Variants in RBPMS observed in about 807,000 individuals in gnomAD.
RBPMS encodes the protein RNA binding protein, mRNA processing factor.
A neutral mutation model predicts 26.8 loss-of-function variants in RBPMS; 7 were observed. That is an observed-to-expected ratio of 0.26 (90% CI 0.15 to 0.49). The LOEUF (loss-of-function observed/expected upper bound fraction) is 0.49. RBPMS is among the 20% of genes least tolerant of loss of function. RBPMS has a pLI of 0.98. For missense variants in RBPMS, 186 were observed against 250.0 expected (o/e 0.74, Z 1.73); for synonymous variants, 96 against 93.3 (o/e 1.03, Z -0.17).
At chr8:30,413,890 C>G (rs967564541) in intron 1 of RBPMS, among the ~76,000 whole-genome samples, 1 of 152,098 alleles carries the variant, frequency 6.6e-6, no homozygotes, top group Non-Finnish European at 1.5e-5. Flanking sequence ...GGATTACAGG[C>G]GTGAGCCGCA....
chr8:30,559,985 T>C (rs1827312386), intron 7 of RBPMS, among the ~76,000 whole-genome samples: 1 of 152,230 alleles, frequency 6.6e-6, no homozygotes, highest in South Asian at 2.1e-4. Flanking sequence ...TAGACTCTTC[T>C]GGAGAGGCAT....
intron 6 of RBPMS, among the ~76,000 whole-genome samples, chr8:30,546,293 G>A (rs1585837795): frequency 6.6e-6 from 1 of 152,206 alleles, no homozygotes; most frequent in African/African-American, 2.4e-5. Flanking sequence ...CATGGCTTTG[G>A]TTAGTCAGCA....
chr8:30,419,450 A>ATGTGTGTGTGTGTGTGTGTG lies in RBPMS; in HGVS notation c.66+34306_66+34325dup, dbSNP rs71278690. Among the ~76,000 whole-genome samples, 1,117 of 143,250 alleles carry ATGTGTGTGTGTGTGTGTGTG rather than the reference A, an allele frequency of 7.8e-3. 19 individuals carry two copies. The highest frequency in any genetic ancestry group is 0.028 in the African/African-American group (1,076 of 37,866). 94.0% of individuals were successfully genotyped at this position (143,250 alleles called of 152,430 possible). A position where few individuals can be genotyped will look rare whatever the true frequency, so the allele number is the denominator to read the frequency against. ...GACAGAGTGAGATTGCATCTCAAAAATGTGTGTGTGTGTGTGTGTGTGTGT... is the reference window on the plus strand; with the variant it reads ...GACAGAGTGAGATTGCATCTCAAAAATGTGTGTGTGTGTGTGTGTGTGTGTGTGTGTGTGTGTGTGTGTGT... On this transcript the variant is annotated intron_variant, in intron 1 of 8. Coordinates refer to ENST00000397323, the MANE Select transcript of RBPMS (RefSeq NM_001008710.3).
intron 7 of RBPMS, among the ~76,000 whole-genome samples, chr8:30,562,720 A>G (rs1404755657): frequency 6.6e-6 from 1 of 152,246 alleles, no homozygotes; most frequent in Admixed American, 6.5e-5. Context: ...ATTCATTGGC[A>G]GAGGCCCACA....
intron 5 of RBPMS, among the ~76,000 whole-genome samples, chr8:30,543,878 T>C (rs1825640396): frequency 6.6e-6 from 1 of 152,226 alleles, no homozygotes; most frequent in Admixed American, 6.5e-5. Flanking sequence ...TGGAGTGTAA[T>C]TTTAATCAGG....
chr8:30,564,179 A>T (rs556061965), intron 7 of RBPMS: 1 of 152,250 alleles, frequency 6.6e-6, no homozygotes, highest in African/African-American at 2.4e-5. Context: ...CTCAGCAAAG[A>T]CCTAGAACTT....
chr8:30,566,152 CCTCTCTTGG>C (rs1486382087), intron 7 of RBPMS, 96 bp from the exon 8 acceptor site: 13 of 511,310 alleles, frequency 2.5e-5, no homozygotes, highest in Admixed American at 6.4e-5. Flanking sequence ...TTCGGCGTTG[CCTCTCTTGG>C]CTCTCTGCCC....
intron 1 of RBPMS, among the ~76,000 whole-genome samples, chr8:30,430,311 A>G (rs1039427550): frequency 2.0e-5 from 3 of 152,202 alleles, no homozygotes; most frequent in Non-Finnish European, 4.4e-5. Flanking sequence ...AGAGAATCAT[A>G]CTACTTTATA....
chr8:30,567,070 G>A (rs1827940781), intron 8 of RBPMS, among the ~76,000 whole-genome samples: 1 of 152,320 alleles, frequency 6.6e-6, no homozygotes, highest in East Asian at 1.9e-4. Context: ...TGGAAAGCCT[G>A]GCTTAGAGCG....
At chr8:30,526,217 CCAAA>C (rs1180004344) in intron 5 of RBPMS, among the ~76,000 whole-genome samples, 1 of 152,202 alleles carries the variant, frequency 6.6e-6, no homozygotes, top group African/African-American at 2.4e-5. Flanking sequence ...CTCTGGGAGT[CCAAA>C]CAGAGTCCAT....
intron 1 of RBPMS, among the ~76,000 whole-genome samples, chr8:30,470,827 T>C (rs1485194048): frequency 6.6e-6 from 1 of 152,190 alleles, no homozygotes; most frequent in African/African-American, 2.4e-5. Flanking sequence ...GTGGCAAACT[T>C]AGGCCTGACG....
chr8:30,445,649 GATAT>G (rs59580323), intron 1 of RBPMS, among the ~76,000 whole-genome samples: 35,127 of 107,234 alleles, frequency 0.33, 6,280 homozygotes, highest in East Asian at 0.5. Context: ...TATACACACG[GATAT>G]ATATATATAT....
chr8:30,412,032 C>T (rs968519608), intron 1 of RBPMS, among the ~76,000 whole-genome samples: 23 of 151,796 alleles, frequency 1.5e-4, no homozygotes, highest in Admixed American at 5.3e-4. Flanking sequence ...GGAAATGTTT[C>T]TCCTCCTTTC....
intron 1 of RBPMS, among the ~76,000 whole-genome samples, chr8:30,448,749 A>G (rs1259020596): frequency 2.6e-5 from 4 of 152,228 alleles, no homozygotes; most frequent in Non-Finnish European, 5.9e-5. Flanking sequence ...CAGTTTCCTT[A>G]TCTATAAAGT....
chr8:30,425,643 G>C (rs1811267461), intron 1 of RBPMS, among the ~76,000 whole-genome samples: 1 of 151,972 alleles, frequency 6.6e-6, no homozygotes, highest in African/African-American at 2.4e-5. Flanking sequence ...CAGGCAATCT[G>C]CCCACCTCGG....
At position 30,544,704 on chromosome 8, in the gene RBPMS, C is replaced by A. The variant is rs768032196; in HGVS notation, c.528+80C>A. 4 of 1,604,778 alleles carry A rather than the reference C, an allele frequency of 2.5e-6. No homozygotes were observed. The East Asian group carries it at 8.9e-5, about 36-fold the overall frequency. ...ACTTGGTTCCCGAGAGCACACCATA[C>A]AACTAACACCTATCCAGCTAACAGA... On this transcript the variant is annotated intron_variant, in intron 6 of 8. Transcript: ENST00000397323.
chr8:30,446,842 TGCGCGCGCGCGC>T (rs10544192), intron 1 of RBPMS: 3 of 65,580 alleles, frequency 4.6e-5, no homozygotes, highest in African/African-American at 1.6e-4. Flanking sequence ...TGTGTGTGTG[TGCGCGCGCGCGC>T]GCGCGGTGGA....
chr8:30,561,489 T>G (rs936218905), intron 7 of RBPMS, among the ~76,000 whole-genome samples: 3 of 152,026 alleles, frequency 2.0e-5, no homozygotes, highest in African/African-American at 7.3e-5. Flanking sequence ...GAGGATGAGG[T>G]AACTGGAAAT....
intron 5 of RBPMS, among the ~76,000 whole-genome samples, chr8:30,522,486 C>T (rs995975710): frequency 6.6e-6 from 1 of 152,100 alleles, no homozygotes; most frequent in Non-Finnish European, 1.5e-5. Flanking sequence ...GCAGCCTGGG[C>T]AACGCACCAA....
Sources: gnomAD v4.1 joint callset for allele counts (sites outside exome capture counted in the v4.1 genomes callset) on GRCh38, gnomAD v4.1.1 for gene constraint, MANE v1.5 for transcripts, NCBI Gene and HGNC (gene_info 2026-07-23, HGNC 2026-07-21) for gene names.